The following PRKG1 variants were observed in gnomAD, a reference collection of about 807,000 sequenced individuals.
PRKG1 encodes the protein cGMP-dependent protein kinase 1.
PRKG1 carries 35 observed loss-of-function variants against 88.1 expected under a neutral mutation model. The observed-to-expected ratio is 0.40, with a 90% confidence interval of 0.30 to 0.53. The LOEUF is 0.53. Among genes scored for constraint, PRKG1 ranks in the 20% least tolerant of loss-of-function variants. The probability of loss-of-function intolerance (pLI) is 0.59; values close to 1 mark genes in which losing one functional copy is unlikely to be tolerated. For missense variants in PRKG1, 540 were observed against 839.8 expected (o/e 0.64, Z 4.41); for synonymous variants, 303 against 292.5 (o/e 1.04, Z -0.37).
At chr10:51,152,988 T>G (rs1191370942) in intron 1 of PRKG1, among the ~76,000 whole-genome samples, 176 bp from the exon 2 acceptor site, 1 of 148,440 alleles carries the variant, frequency 6.7e-6, no homozygotes, top group Non-Finnish European at 1.5e-5. Flanking sequence ...TTTTTTTTTT[T>G]TTTTTGTTTT....
chr10:52,239,705 G>T (rs1211862457), intron 9 of PRKG1, among the ~76,000 whole-genome samples: 12 of 151,968 alleles, frequency 7.9e-5, no homozygotes, highest in Non-Finnish European at 5.9e-5. Context: ...CAGCTGAAGT[G>T]TTACAGCAGC....
At chr10:51,088,392 G>GTTT (rs35801594) in intron 1 of PRKG1, among the ~76,000 whole-genome samples, 19 of 138,396 alleles carry the variant, frequency 1.4e-4, no homozygotes, top group Non-Finnish European at 2.5e-4. Flanking sequence ...TTGGTTTTCA[G>GTTT]TTTTTTTTTT....
intron 3 of PRKG1, among the ~76,000 whole-genome samples, chr10:51,651,584 C>T (rs1310716034): frequency 2.8e-5 from 4 of 144,482 alleles, no homozygotes; most frequent in African/African-American, 1.0e-4. Flanking sequence ...ACAGATCTTA[C>T]TTTTTTTTTT....
At chr10:52,203,704 A>G (rs965125987) in intron 9 of PRKG1, among the ~76,000 whole-genome samples, 1 of 152,194 alleles carries the variant, frequency 6.6e-6, no homozygotes, top group African/African-American at 2.4e-5. Context: ...CATGCATTGG[A>G]TGCATGTATA....
At chr10:51,410,634 T>G (rs1321606341) in intron 2 of PRKG1, among the ~76,000 whole-genome samples, 1 of 152,132 alleles carries the variant, frequency 6.6e-6, no homozygotes, top group Non-Finnish European at 1.5e-5. Context: ...TTTGCATCTT[T>G]CAATCCAATC....
At chr10:52,284,071 TTAA>T (rs1429830629) in intron 14 of PRKG1, among the ~76,000 whole-genome samples, 1 of 151,870 alleles carries the variant, frequency 6.6e-6, no homozygotes, top group African/African-American at 2.4e-5. Flanking sequence ...TAAGAAATAA[TTAA>T]TAACAGAAAA....
At chr10:51,743,229 A>G (rs565242855) in intron 3 of PRKG1, among the ~76,000 whole-genome samples, 56 of 152,250 alleles carry the variant, frequency 3.7e-4, no homozygotes, top group African/African-American at 1.2e-3. Context: ...TCAGCCAACA[A>G]AAGTCAGTCT....
At chr10:51,677,674 C>T (rs769139905) in intron 3 of PRKG1, among the ~76,000 whole-genome samples, 7 of 152,190 alleles carry the variant, frequency 4.6e-5, no homozygotes, top group Non-Finnish European at 1.0e-4. Flanking sequence ...TGATTAGAGT[C>T]AGTTGCCACA....
intron 8 of PRKG1, among the ~76,000 whole-genome samples, 161 bp from the exon 9 acceptor site, chr10:52,161,728 C>G (rs1189088188): frequency 6.6e-6 from 1 of 152,012 alleles, no homozygotes; most frequent in Non-Finnish European, 1.5e-5. Context: ...ATATTCTAGT[C>G]AGGAAAAATG....
chr10:51,504,846 G>C (rs1841146702), intron 3 of PRKG1, among the ~76,000 whole-genome samples: 1 of 152,144 alleles, frequency 6.6e-6, no homozygotes, highest in Admixed American at 6.5e-5. Flanking sequence ...TGCTGAAGTT[G>C]CTTATCAGCC....
In PRKG1 at chr10:51,702,362, T is replaced by C. The variant is rs987287459; in HGVS notation, c.593-102223T>C. Among the ~76,000 whole-genome samples, 10 of 152,222 alleles carry C rather than the reference T, an allele frequency of 6.6e-5. 1 individual carries two copies. Among genetic ancestry groups the C allele is most frequent in the African/African-American group, 2.4e-4 (10 of 41,458 alleles). ...CCCAGAACACATGAACTAATACTTA[T>C]TGTTAACTCAATGTCCCCAAATCAA... On this transcript the variant is annotated intron_variant, in intron 3 of 17. Transcript: ENST00000373980.
intron 3 of PRKG1, among the ~76,000 whole-genome samples, chr10:51,717,235 C>G (rs1461035093): frequency 3.0e-4 from 46 of 152,208 alleles, no homozygotes; most frequent in Admixed American, 2.9e-3. Context: ...TTGCAGTCTC[C>G]TTTCTCTCCA....
Position 51,821,026 on chromosome 10 carries a change from A to G in PRKG1, c.698+16336A>G, listed in dbSNP as rs529019104. 2.6e-5 allele frequency among the ~76,000 whole-genome samples: 4 copies of G among 152,268 alleles called. No individual in the cohort carries two copies. The South Asian group carries it at 8.3e-4, about 32-fold the overall frequency. ...TCCTTGTAGTTAATCTCCTCTGCCA[A>G]AGGTAACCACTATTCTGAGTTCTAC... On this transcript the variant is annotated intron_variant, in intron 4 of 17. Transcript: ENST00000373980.
chr10:51,187,349 A>G (rs1837518261), intron 2 of PRKG1, among the ~76,000 whole-genome samples: 1 of 152,032 alleles, frequency 6.6e-6, no homozygotes, highest in Non-Finnish European at 1.5e-5. Flanking sequence ...TTTAATTTGA[A>G]AAACTTGGCT....
At chr10:51,014,860 C>T (rs977654737) in intron 1 of PRKG1, among the ~76,000 whole-genome samples, 11 of 152,158 alleles carry the variant, frequency 7.2e-5, no homozygotes, top group Non-Finnish European at 1.3e-4. Context: ...CAGACTCTGT[C>T]GTCTGACTTA....
At chr10:51,040,965 C>A (rs1843412626) in intron 1 of PRKG1, among the ~76,000 whole-genome samples, 1 of 151,900 alleles carries the variant, frequency 6.6e-6, no homozygotes, top group African/African-American at 2.4e-5. Flanking sequence ...CAATTTGATG[C>A]CTTTTGTTTC....
At chr10:51,089,128 C>T (rs554584797) in intron 1 of PRKG1, among the ~76,000 whole-genome samples, 2 of 152,234 alleles carry the variant, frequency 1.3e-5, no homozygotes, top group African/African-American at 4.8e-5. Flanking sequence ...ATGAAAAGTT[C>T]TTTCTAGTTT....
intron 7 of PRKG1, among the ~76,000 whole-genome samples, chr10:52,067,717 C>CT (rs35466473): frequency 0.039 from 5,774 of 147,350 alleles, 120 homozygotes; most frequent in Middle Eastern, 0.061. Context: ...GCTCAAGCAT[C>CT]TTTTTTTTTT....
intron 2 of PRKG1, among the ~76,000 whole-genome samples, chr10:51,374,963 C>G (rs1389254829): frequency 6.6e-6 from 1 of 152,028 alleles, no homozygotes; most frequent in Non-Finnish European, 1.5e-5. Context: ...TTTACTTCAT[C>G]AAAGTCAGAA....
Sources: gnomAD v4.1 joint callset for allele counts (sites outside exome capture counted in the v4.1 genomes callset) on GRCh38, gnomAD v4.1.1 for gene constraint, MANE v1.5 for transcripts, NCBI Gene and HGNC (gene_info 2026-07-23, HGNC 2026-07-21) for gene names.